Variants in ITPR1 observed in about 807,000 individuals in gnomAD.
The protein encoded by ITPR1 is inositol 1,4,5-trisphosphate-gated calcium channel ITPR1.
ITPR1 carries 96 observed loss-of-function variants against 318.4 expected under a neutral mutation model. That is an observed-to-expected ratio of 0.30 (90% confidence interval 0.26 to 0.36). The LOEUF is 0.36. Among genes scored for constraint, ITPR1 ranks in the 10% least tolerant of loss-of-function variants. The pLI is 1.00. For synonymous variants in ITPR1, 1,312 were observed against 1,289.9 expected, an observed-to-expected ratio of 1.02 and a Z score of -0.37; for missense variants, 2,440 against 3,460.2, an observed-to-expected ratio of 0.71 and a Z score of 7.40.
intron 5 of ITPR1, among the ~76,000 whole-genome samples, chr3:4,629,767 G>A (rs759413499): frequency 6.6e-6 from 1 of 152,196 alleles, no homozygotes; most frequent in Non-Finnish European, 1.5e-5. Context: ...GTGCCAAATC[G>A]GTCTTTGCTG....
Position 4,836,862 on chromosome 3 carries a change from T to C in ITPR1, c.8117T>C (p.Leu2706Pro). 2 of 1,595,836 alleles carry C rather than the reference T, an allele frequency of 1.3e-6. No homozygotes were observed. The highest frequency in any genetic ancestry group is 8.6e-7 in the Non-Finnish European group (1 of 1,167,832). ...SEGEQNELRN[L>P]QEKLESTMKL... is the part of the protein sequence containing the mutation. ...GGAGAACAGAATGAGCTGAGAAACCTGCAGGAGAAGCTGGAGTCCACCATG... is the reference window on the plus strand; with the variant it reads ...GGAGAACAGAATGAGCTGAGAAACCCGCAGGAGAAGCTGGAGTCCACCATG... Residue 2706 changes from leucine (L) to proline (P), a missense_variant, in exon 61 of 62, where the codon CTG (leucine) becomes CCG (proline). By Grantham distance (98) the Leu-to-Pro change is moderately conservative. Transcript: ENST00000649015.
intron 12 of ITPR1, among the ~76,000 whole-genome samples, chr3:4,656,128 C>T (rs2093703198): frequency 6.6e-6 from 1 of 152,244 alleles, no homozygotes; most frequent in Non-Finnish European, 1.5e-5. Context: ...TCCCGCTCCT[C>T]TGCCAGGCTT....
At chr3:4,631,026 T>G (rs9820962) in intron 5 of ITPR1, among the ~76,000 whole-genome samples, 3,387 of 152,328 alleles carry the variant, frequency 0.022, 144 homozygotes, top group African/African-American at 0.077. Context: ...AAGTTTAACT[T>G]CATGAAAGTG....
intron 4 of ITPR1, among the ~76,000 whole-genome samples, chr3:4,561,827 T>A (rs2086704039): frequency 6.6e-6 from 1 of 152,098 alleles, no homozygotes; most frequent in Non-Finnish European, 1.5e-5. Flanking sequence ...AACAGATAAC[T>A]GTTTGTTTTG....
intron 39 of ITPR1, among the ~76,000 whole-genome samples, chr3:4,714,237 C>G (rs1432355993): frequency 1.3e-5 from 2 of 152,182 alleles, no homozygotes; most frequent in African/African-American, 4.8e-5. Flanking sequence ...CTTTCTCAAG[C>G]AAACCAGTTG....
intron 30 of ITPR1, among the ~76,000 whole-genome samples, chr3:4,687,125 C>A (rs1433773463): frequency 1.3e-5 from 2 of 152,210 alleles, no homozygotes; most frequent in Non-Finnish European, 2.9e-5. Flanking sequence ...TCTAATCCAC[C>A]ACCTGTTTTG....
At chr3:4,841,452 T>A (rs1371057743) in intron 61 of ITPR1, among the ~76,000 whole-genome samples, 1 of 152,214 alleles carries the variant, frequency 6.6e-6, no homozygotes, top group Non-Finnish European at 1.5e-5. Context: ...ATGGTCTGGT[T>A]AATTCCGTTC....
chr3:4,730,392 TGTGTGTGTGTGTGTGTGTGTGTGTGTG>T (rs2042837436), intron 42 of ITPR1, among the ~76,000 whole-genome samples: 2 of 143,330 alleles, frequency 1.4e-5, no homozygotes, highest in Non-Finnish European at 3.1e-5. Context: ...TGTGTGTGTG[TGTGTGTGTGTGTGTGTGTGTGTGTGTG>T]TTTCCCCCAG....
At chr3:4,759,992 G>A (rs149051110) in intron 44 of ITPR1, among the ~76,000 whole-genome samples, 2 of 152,242 alleles carry the variant, frequency 1.3e-5, no homozygotes, top group Non-Finnish European at 2.9e-5. Flanking sequence ...CATCAGGGAT[G>A]TCTGGGACTG....
intron 4 of ITPR1, among the ~76,000 whole-genome samples, chr3:4,566,045 G>C (rs2087215526): frequency 6.6e-6 from 1 of 152,152 alleles, no homozygotes. Context: ...TTTCCTGGTA[G>C]CCAAATCCCT....
chr3:4,689,666 A>C (rs1384887430), intron 31 of ITPR1, among the ~76,000 whole-genome samples: 1 of 152,254 alleles, frequency 6.6e-6, no homozygotes, highest in Non-Finnish European at 1.5e-5. Context: ...GATTAAAGCC[A>C]CCACCTCACC....
At chr3:4,727,210 G>C (rs370584438) in intron 42 of ITPR1, 37 bp downstream of exon 42, 107 of 1,506,224 alleles carry the variant, frequency 7.1e-5, no homozygotes, top group Non-Finnish European at 8.8e-5. Context: ...GGGAGCTAAT[G>C]ATCAATGACC....
At chr3:4,612,933 C>A (rs1048083346) in intron 4 of ITPR1, among the ~76,000 whole-genome samples, 2 of 152,192 alleles carry the variant, frequency 1.3e-5, no homozygotes, top group African/African-American at 4.8e-5. Context: ...TGTTTTAAAG[C>A]TGTCTGGATA....
intron 12 of ITPR1, among the ~76,000 whole-genome samples, chr3:4,654,863 C>T (rs372041015): frequency 3.9e-5 from 6 of 152,184 alleles, no homozygotes; most frequent in Admixed American, 6.5e-5. Flanking sequence ...TTGAAAGACA[C>T]TCTGACTGAG....
intron 4 of ITPR1, among the ~76,000 whole-genome samples, chr3:4,563,479 A>G (rs2086894467): frequency 6.6e-6 from 1 of 152,222 alleles, no homozygotes; most frequent in Admixed American, 6.5e-5. Flanking sequence ...ACTGCACTCC[A>G]GCCTGGGTGA....
intron 5 of ITPR1, among the ~76,000 whole-genome samples, chr3:4,636,852 G>A (rs970739972): frequency 1.3e-5 from 2 of 152,202 alleles, no homozygotes; most frequent in East Asian, 1.9e-4. Flanking sequence ...AGAGCTGCTC[G>A]TGTTTAATTA....
In ITPR1 at chr3:4,800,567, A is replaced by G. The variant is rs746979525; in HGVS notation, c.7074A>G (p.Leu2358=). The change falls in exon 54 of 62, where the codon TTA becomes TTG. Residue 2358 remains leucine (L), a synonymous_variant. Coordinates refer to ENST00000649015, the MANE Select transcript of ITPR1 (RefSeq NM_001378452.1). ...TILRLIFSVG[L]QPTLFLLGAF... Reference sequence around the variant, plus strand: ...TACGACTGATATTTTCAGTCGGGTTACAACCCACGTTGTTTCTTCTGGGCG... The same window carrying G: ...TACGACTGATATTTTCAGTCGGGTTGCAACCCACGTTGTTTCTTCTGGGCG... 5 of 1,614,022 alleles carry G rather than the reference A, an allele frequency of 3.1e-6. No homozygotes were observed. The highest frequency in any genetic ancestry group is 4.5e-5 in the East Asian group (2 of 44,888).
chr3:4,776,445 C>G (rs1033489868), intron 47 of ITPR1, among the ~76,000 whole-genome samples: 7 of 152,204 alleles, frequency 4.6e-5, no homozygotes, highest in Admixed American at 4.6e-4. Flanking sequence ...ATGGTCAGTG[C>G]TAAACCCAGC....
chr3:4,673,397 G>A lies in ITPR1; in HGVS notation c.2456+10G>A. Reference sequence around the variant, plus strand: ...AGATCGCCATTGACGAGTGAGCCTGGCACCTGAAAACCTCACTTTACATTA... The same window carrying A: ...AGATCGCCATTGACGAGTGAGCCTGACACCTGAAAACCTCACTTTACATTA... On this transcript the variant is annotated intron_variant, in intron 21 of 61. Transcript: ENST00000649015. 6.3e-7 allele frequency: 1 copy of A among 1,592,754 alleles called. No homozygotes were observed. Among genetic ancestry groups the A allele is most frequent in the African/African-American group, 1.3e-5 (1 of 74,648 alleles).
Sources: allele counts gnomAD v4.1 joint callset (sites outside exome capture counted in the v4.1 genomes callset), GRCh38; gene constraint gnomAD v4.1.1; transcripts MANE v1.5; gene names NCBI Gene and HGNC (gene_info 2026-07-23, HGNC 2026-07-21).